CTTNBP2: variants seen among roughly 807,000 people sequenced by gnomAD.
CTTNBP2 encodes cortactin-binding protein 2.
Under a neutral mutation model 156.9 loss-of-function variants are expected in CTTNBP2, and 108 were observed. The ratio of observed to expected loss-of-function variants is 0.69; its 90% confidence interval spans 0.59 to 0.81. The LOEUF (loss-of-function observed/expected upper bound fraction) is 0.81. Ranked by LOEUF, CTTNBP2 falls within the 30% of genes least tolerant of loss-of-function variation. The probability of loss-of-function intolerance (pLI) is 0.00; values close to 1 mark genes in which losing one functional copy is unlikely to be tolerated. For missense variants in CTTNBP2, 1,924 were observed against 2,035.4 expected, an observed-to-expected ratio of 0.95 and a Z score of 1.05; for synonymous variants, 767 against 751.8, an observed-to-expected ratio of 1.02 and a Z score of -0.33.
intron 14 of CTTNBP2, among the ~76,000 whole-genome samples, chr7:117,744,016 C>CT (rs201070697): frequency 1.3e-5 from 2 of 151,696 alleles, no homozygotes; most frequent in Admixed American, 6.6e-5. Flanking sequence ...AATTTCATTT[C>CT]TTTTTTAAAA....
intron 2 of CTTNBP2, among the ~76,000 whole-genome samples, chr7:117,851,843 C>G (rs1238136489): frequency 6.6e-6 from 1 of 152,094 alleles, no homozygotes; most frequent in Non-Finnish European, 1.5e-5. Context: ...TCAAGAAACT[C>G]CAGAAGGAAG....
intron 18 of CTTNBP2, 144 bp from the exon 19 acceptor site, chr7:117,724,876 T>C: frequency 9.0e-7 from 1 of 1,105,358 alleles, no homozygotes; most frequent in South Asian, 1.6e-5. Context: ...AGCACCAACT[T>C]TACTTGGAGG....
chr7:117,730,060 G>A (rs1795319661), intron 16 of CTTNBP2, among the ~76,000 whole-genome samples: 1 of 151,186 alleles, frequency 6.6e-6, no homozygotes, highest in Non-Finnish European at 1.5e-5. Context: ...CAAGGTGCTG[G>A]ATCTGATCCC....
In CTTNBP2 at chr7:117,792,167, C is replaced by T; in HGVS notation, c.1029G>A (p.Gly343=). ...GSPLVSANAK[G]SVCTSATMAR... ...CCATGGTGGCACTGGTGCACACGCT[C>T]CCTTTTGCATTTGCAGAAACTAGGG... The change falls in exon 4 of 23, where the codon GGG becomes GGA. Residue 343 remains glycine (G), a synonymous_variant. Transcript: ENST00000160373. This position sits in a 1 kb window ranked among gnomAD's most constrained non-coding sequence, Gnocchi z 4.2. The T allele has an allele frequency of 6.2e-7, 1 of 1,614,136 alleles. No homozygotes were observed. The highest frequency in any genetic ancestry group is 8.5e-7 in the Non-Finnish European group (1 of 1,180,032).
chr7:117,732,649 C>CA (rs397710322), intron 16 of CTTNBP2, among the ~76,000 whole-genome samples: 2,228 of 41,312 alleles, frequency 0.054, 94 homozygotes, highest in African/African-American at 0.12. Context: ...GACTCCGTCT[C>CA]AAAAAAAAAA....
intron 2 of CTTNBP2, among the ~76,000 whole-genome samples, chr7:117,843,757 G>A (rs957082444): frequency 6.6e-6 from 1 of 152,080 alleles, no homozygotes; most frequent in Non-Finnish European, 1.5e-5. Context: ...AACCGGAGTG[G>A]GGCAGCTACA....
At chr7:117,746,149 G>A (rs757767765) in intron 12 of CTTNBP2, 50 bp from the exon 13 acceptor site, 5 of 1,292,576 alleles carry the variant, frequency 3.9e-6, no homozygotes, top group South Asian at 2.4e-5. Flanking sequence ...AAATTGATGA[G>A]AGAAAAAAGT....
chr7:117,838,983 A>C (rs1802120302), intron 2 of CTTNBP2, among the ~76,000 whole-genome samples: 1 of 148,078 alleles, frequency 6.8e-6, no homozygotes, highest in African/African-American at 2.5e-5. Context: ...GGGGGCTTTT[A>C]AAAAAAATCC....
At chr7:117,810,099 A>T (rs1393157350) in intron 3 of CTTNBP2, among the ~76,000 whole-genome samples, 1 of 152,048 alleles carries the variant, frequency 6.6e-6, no homozygotes, top group Non-Finnish European at 1.5e-5. Context: ...AGTGAAAGGA[A>T]TATGTGTGTG....
intron 3 of CTTNBP2, among the ~76,000 whole-genome samples, chr7:117,805,439 G>A (rs1031926108): frequency 6.6e-6 from 1 of 152,098 alleles, no homozygotes. Context: ...TTGTCTTCAA[G>A]CCAATGGGCA....
intron 2 of CTTNBP2, among the ~76,000 whole-genome samples, chr7:117,846,931 A>T (rs1299915051): frequency 6.6e-6 from 1 of 152,174 alleles, no homozygotes; most frequent in African/African-American, 2.4e-5. Flanking sequence ...TTATGAAGAA[A>T]AAATGGTAGT....
intron 1 of CTTNBP2, among the ~76,000 whole-genome samples, chr7:117,863,239 C>T (rs1803891616): frequency 1.3e-5 from 2 of 152,178 alleles, no homozygotes; most frequent in Admixed American, 6.5e-5. Context: ...TTTGCATATA[C>T]ACTAGACAGA....
intron 16 of CTTNBP2, among the ~76,000 whole-genome samples, chr7:117,732,974 T>C (rs949493498): frequency 1.3e-5 from 2 of 152,246 alleles, no homozygotes; most frequent in Non-Finnish European, 2.9e-5. Context: ...TCTGAGATTA[T>C]GTATTACATA....
chr7:117,799,464 T>TA lies in CTTNBP2; in HGVS notation c.415-6684dup, dbSNP rs568543909. On this transcript the variant is annotated intron_variant, in intron 3 of 22. Coordinates refer to ENST00000160373, the MANE Select transcript of CTTNBP2 (RefSeq NM_033427.3). Reference sequence around the variant, plus strand: ...TTTTTTAAATCAAAACCATTCATGATAAAAAAAAAACCTTCCAACAAAGAA... The same window carrying TA: ...TTTTTTAAATCAAAACCATTCATGATAAAAAAAAAAACCTTCCAACAAAGAA... 5.8e-3 allele frequency among the ~76,000 whole-genome samples: 849 copies of TA among 146,302 alleles called. 11 individuals are homozygous for TA. Among genetic ancestry groups the TA allele is most frequent in the African/African-American group, 0.019 (768 of 40,112 alleles).
chr7:117,799,322 G>C (rs546272393), intron 3 of CTTNBP2, among the ~76,000 whole-genome samples: 1 of 152,006 alleles, frequency 6.6e-6, no homozygotes, highest in South Asian at 2.1e-4. Flanking sequence ...GTGACCATGT[G>C]AGATTTACCT....
rs367950595 is a variant in CTTNBP2, at chr7:117,744,099, G to A, written c.3535+1732C>T. 2.0e-5 allele frequency among the ~76,000 whole-genome samples: 3 copies of A among 152,162 alleles called. No individual in the cohort carries two copies. The East Asian group carries it at 5.8e-4, about 29-fold the overall frequency. On this transcript the variant is annotated intron_variant, in intron 14 of 22. Transcript: ENST00000160373. ...GTGTTTTGATACAGGCTTGTGATGT[G>A]AAATAATCACATCATAAAGAATGGG...
chr7:117,840,540 C>A (rs915263800), intron 2 of CTTNBP2, among the ~76,000 whole-genome samples: 4 of 152,086 alleles, frequency 2.6e-5, no homozygotes, highest in Non-Finnish European at 4.4e-5. Flanking sequence ...ACAACAACAA[C>A]AAAAATTCTT....
chr7:117,787,302 A>T (rs184080444), intron 4 of CTTNBP2, among the ~76,000 whole-genome samples: 1 of 152,354 alleles, frequency 6.6e-6, no homozygotes, highest in Admixed American at 6.5e-5. Context: ...AACATTAGTA[A>T]GGTGAGCATC....
At chr7:117,761,167 T>A (rs2116655215) in intron 9 of CTTNBP2, among the ~76,000 whole-genome samples, 1 of 152,308 alleles carries the variant, frequency 6.6e-6, no homozygotes, top group East Asian at 1.9e-4. Flanking sequence ...AGAGTCAGGG[T>A]CAGCCTCCTA....
Sources: allele counts gnomAD v4.1 joint callset (sites outside exome capture counted in the v4.1 genomes callset), GRCh38; gene constraint gnomAD v4.1.1; non-coding constraint Gnocchi (gnomAD v3.1); transcripts MANE v1.5; gene names NCBI Gene and HGNC (gene_info 2026-07-23, HGNC 2026-07-21).